The following MTERF4 variants were observed in gnomAD, a reference collection of about 807,000 sequenced individuals.
The protein encoded by MTERF4 is mitochondrial transcription termination factor 4.
Under a neutral mutation model 22.5 loss-of-function variants are expected in MTERF4, and 17 were observed. That is an observed-to-expected ratio of 0.75 (90% confidence interval 0.52 to 1.13). The LOEUF (loss-of-function observed/expected upper bound fraction) is 1.13. Among genes scored for constraint, MTERF4 ranks in the 50% most tolerant of loss-of-function variants. The pLI is 0.00. For missense variants in MTERF4, 420 were observed against 466.8 expected, an observed-to-expected ratio of 0.90 and a Z score of 0.92; for synonymous variants, 165 against 175.3, an observed-to-expected ratio of 0.94 and a Z score of 0.47.
At chr2:241,050,791 C>G in the MTERF4 span, among the ~76,000 whole-genome samples, 126 of 152,250 alleles carry the variant, frequency 8.3e-4, 1 homozygote, top group East Asian at 0.022. Context: ...CCTACTCCAG[C>G]TCACACCTGC....
intron 1 of MTERF4, 193 bp downstream of exon 1, chr2:241,102,060 A>AG: frequency 1.4e-6 from 1 of 727,240 alleles, no homozygotes. Context: ...TCAAAAAAAA[A>AG]AAATGTCAAC....
rs79708227 is a variant in MTERF4 at position 241,099,937 on chromosome 2, C to G, written c.22-43G>C. 3.1e-6 allele frequency: 5 copies of G among 1,592,184 alleles called. No homozygotes were observed. The Admixed American group carries it at 8.5e-5, about 27-fold the overall frequency. On this transcript the variant is annotated intron_variant, in intron 1 of 3. Coordinates refer to ENST00000391980, the MANE Select transcript of MTERF4 (RefSeq NM_182501.4). ...AAAAGACAATTAATTCCTCACTATT[C>G]CAGTGTAATGGACACCATAAGACTT...
chr2:241,052,257 C>T, the MTERF4 span: 14 of 1,433,758 alleles, frequency 9.8e-6, no homozygotes, highest in East Asian at 1.6e-4. Context: ...GCCCTGGAGG[C>T]GCAGGAGGTG....
chr2:241,063,717 G>C, the MTERF4 span: 1 of 1,520,300 alleles, frequency 6.6e-7, no homozygotes, highest in Non-Finnish European at 9.1e-7. Context: ...GCTCCCTCCA[G>C]TGGGCCCCAC....
At chr2:241,049,390 G>GCCC in the MTERF4 span, among the ~76,000 whole-genome samples, 1 of 152,210 alleles carries the variant, frequency 6.6e-6, no homozygotes, top group Non-Finnish European at 1.5e-5. Flanking sequence ...TCTTACCTAA[G>GCCC]CCCCAACACA....
intron 2 of MTERF4, 146 bp downstream of exon 2, chr2:241,099,250 T>C (rs2064592939): frequency 1.1e-6 from 1 of 873,952 alleles, no homozygotes; most frequent in African/African-American, 1.7e-5. Context: ...AATTTTTCTA[T>C]TTTTAGTTGA....
intron 4 of MTERF4, among the ~76,000 whole-genome samples, chr2:241,076,618 T>C (rs777974022): frequency 7.2e-5 from 11 of 152,272 alleles, no homozygotes; most frequent in East Asian, 1.9e-4. Flanking sequence ...TCCCAGCACT[T>C]TGGGAGGCCT....
the MTERF4 span, among the ~76,000 whole-genome samples, chr2:241,045,351 T>G: frequency 6.6e-6 from 1 of 152,136 alleles, no homozygotes; most frequent in African/African-American, 2.4e-5. Flanking sequence ...ACCAAAACAA[T>G]TTTGATGAAG....
At chr2:241,048,733 C>A in the MTERF4 span, 1 of 1,612,696 alleles carries the variant, frequency 6.2e-7, no homozygotes, top group Non-Finnish European at 8.5e-7. Context: ...CTGCCAGTGC[C>A]CCCTGGGATT....
At chr2:241,048,635 G>A in the MTERF4 span, 1 of 1,582,424 alleles carries the variant, frequency 6.3e-7, no homozygotes. Flanking sequence ...CCCCCACATG[G>A]GAGGCTCCTC....
chr2:241,051,670 GC>G, the MTERF4 span: 1 of 1,214,076 alleles, frequency 8.2e-7, no homozygotes, highest in Non-Finnish European at 1.1e-6. This position sits in a 1 kb window ranked among gnomAD's most constrained non-coding sequence, Gnocchi z 4.7. Flanking sequence ...CTGAGGAGAT[GC>G]CAGGAGGGTA....
the MTERF4 span, among the ~76,000 whole-genome samples, chr2:241,058,615 A>G: frequency 6.6e-6 from 1 of 152,254 alleles, no homozygotes; most frequent in Non-Finnish European, 1.5e-5. Context: ...AGACAGATAC[A>G]GAGAAAGATC....
chr2:241,064,179 TCTGCCCGCCTG>T, the MTERF4 span: 19 of 1,206,074 alleles, frequency 1.6e-5, no homozygotes, highest in Middle Eastern at 5.3e-4. The surrounding 1 kb of genome is among the most constrained non-coding windows in gnomAD (Gnocchi z 7.0). Context: ...CTCCCCGCCC[TCTGCCCGCCTG>T]CTGCCCGCCC....
chr2:241,082,284 AAAGGTGTCCCGC>A, downstream of MTERF4: 1 of 1,612,498 alleles, frequency 6.2e-7, no homozygotes, highest in African/African-American at 1.3e-5. Context: ...CAGCCTGTAT[AAAGGTGTCCCGC>A]CCCTGCACAA....
At chr2:241,089,634 C>A (rs1468105462), downstream of MTERF4, among the ~76,000 whole-genome samples, 2 of 152,238 alleles carry the variant, frequency 1.3e-5, no homozygotes, top group East Asian at 3.8e-4. Context: ...GAGGGAATCA[C>A]TTCCCGCTCC....
chr2:241,082,695 C>T (rs957523926), downstream of MTERF4, among the ~76,000 whole-genome samples: 8 of 152,220 alleles, frequency 5.3e-5, no homozygotes, highest in Non-Finnish European at 1.0e-4. Flanking sequence ...CCTCTCTTCT[C>T]TTCCTCAGAG....
chr2:241,070,112 G>C (rs781696444), downstream of MTERF4: 7 of 1,612,838 alleles, frequency 4.3e-6, no homozygotes, highest in Middle Eastern at 1.6e-4. Context: ...CTGCTGCCGG[G>C]ACGGCGGTAC....
rs2064625241 is a variant in MTERF4, at chr2:241,099,869, G to A, written c.47C>T (p.Pro16Leu). The A allele has an allele frequency of 6.2e-7, 1 of 1,613,198 alleles. No individual in the cohort carries two copies. The highest frequency in any genetic ancestry group is 8.5e-7 in the Non-Finnish European group (1 of 1,180,010). Reference sequence around the variant, plus strand: ...CCTAGCCATACAGGCCCAGGTGAGGGGGATCAGGCGGTGCCAATCAAGGAC... The same window carrying A: ...CCTAGCCATACAGGCCCAGGTGAGGAGGATCAGGCGGTGCCAATCAAGGAC... ...RQVLDWHRLIPLTWACMARQT... is the reference protein window; with the variant it reads ...RQVLDWHRLILLTWACMARQT... Residue 16 changes from proline (P) to leucine (L), a missense_variant, in exon 2 of 4, where the codon CCC (proline) becomes CTC (leucine). Pro to Leu is a moderately conservative substitution (Grantham distance 98). Coordinates refer to ENST00000391980, the MANE Select transcript of MTERF4 (RefSeq NM_182501.4).
chr2:241,065,246 C>A, the MTERF4 span: 1 of 1,588,544 alleles, frequency 6.3e-7, no homozygotes, highest in Non-Finnish European at 8.6e-7. Flanking sequence ...GCCAGGCATG[C>A]ATAGCTAACG....
Sources: gnomAD v4.1 joint callset for allele counts (sites outside exome capture counted in the v4.1 genomes callset) on GRCh38, gnomAD v4.1.1 for gene constraint, Gnocchi (gnomAD v3.1) non-coding constraint, MANE v1.5 for transcripts, NCBI Gene and HGNC (gene_info 2026-07-23, HGNC 2026-07-21) for gene names.